RGS6: variants seen among roughly 807,000 people sequenced by gnomAD.
RGS6 encodes regulator of G protein signaling 6.
A neutral mutation model predicts 78.5 loss-of-function variants in RGS6; 30 were observed. The observed-to-expected ratio is 0.38, with a 90% CI of 0.29 to 0.52. The LOEUF (loss-of-function observed/expected upper bound fraction) is 0.52, where lower values mean the gene tolerates loss of function less well. Ranked by LOEUF, RGS6 falls within the 20% of genes least tolerant of loss-of-function variation. The probability of loss-of-function intolerance (pLI) is 0.85; values close to 1 mark genes in which losing one functional copy is unlikely to be tolerated. For missense variants in RGS6, 495 were observed against 609.7 expected, an observed-to-expected ratio of 0.81 and a Z score of 1.98; for synonymous variants, 206 against 206.0, an observed-to-expected ratio of 1.00 and a Z score of 0.00.
At chr14:71,942,616 A>G (rs754734443) in intron 1 of RGS6, among the ~76,000 whole-genome samples, 28 of 152,348 alleles carry the variant, frequency 1.8e-4, no homozygotes, top group Admixed American at 3.3e-4. Context: ...CTGATACCAA[A>G]GGGTGTTGTT....
intron 2 of RGS6, among the ~76,000 whole-genome samples, chr14:72,329,724 G>C (rs2074577754): frequency 6.6e-6 from 1 of 152,202 alleles, no homozygotes; most frequent in Non-Finnish European, 1.5e-5. Flanking sequence ...GGGTGAGCCA[G>C]GTGGAGCAGC....
intron 13 of RGS6, among the ~76,000 whole-genome samples, chr14:72,507,654 G>A (rs10130323): frequency 0.014 from 2,068 of 152,274 alleles, 42 homozygotes; most frequent in African/African-American, 0.047. Flanking sequence ...AAGGAATCTG[G>A]TGGAATGAAT....
At position 72,320,451 on chromosome 14, in the gene RGS6, A is replaced by C. The variant is rs111409105; in HGVS notation, c.85-31644A>C. Reference sequence around the variant, plus strand: ...AAATTAGCTGGGCGTGGTGGCGGGCACCTGTAGTCCCAGCTACTTGGGAGG... The same window carrying C: ...AAATTAGCTGGGCGTGGTGGCGGGCCCCTGTAGTCCCAGCTACTTGGGAGG... On this transcript the variant is annotated intron_variant, in intron 2 of 17. Coordinates refer to ENST00000553525, the MANE Select transcript of RGS6 (RefSeq NM_001204424.2). 9.2e-3 allele frequency among the ~76,000 whole-genome samples: 1,395 copies of C among 152,016 alleles called. 10 individuals carry two copies. The highest frequency in any genetic ancestry group is 0.023 in the South Asian group (110 of 4,802).
intron 2 of RGS6, among the ~76,000 whole-genome samples, chr14:72,127,271 A>T (rs1232321536): frequency 1.3e-5 from 2 of 152,210 alleles, no homozygotes; most frequent in Non-Finnish European, 2.9e-5. Flanking sequence ...AGGCAAAAGA[A>T]GTAGTATTAC....
chr14:71,946,098 G>T (rs566515096), intron 1 of RGS6, among the ~76,000 whole-genome samples: 142 of 152,240 alleles, frequency 9.3e-4, no homozygotes, highest in Non-Finnish European at 1.6e-3. Context: ...CATTCACAAA[G>T]AATAAATATA....
chr14:72,131,413 T>A (rs530324770), intron 2 of RGS6, among the ~76,000 whole-genome samples: 28 of 152,320 alleles, frequency 1.8e-4, no homozygotes, highest in African/African-American at 6.7e-4. Flanking sequence ...ATTGCAATGC[T>A]CCCTTATCTG....
At chr14:72,581,588 T>A in the RGS6 span, among the ~76,000 whole-genome samples, 1 of 152,202 alleles carries the variant, frequency 6.6e-6, no homozygotes, top group African/African-American at 2.4e-5. Flanking sequence ...GCCTCTCTGA[T>A]CCCTTGCACA....
At chr14:72,360,270 C>G (rs1258573884) in intron 3 of RGS6, among the ~76,000 whole-genome samples, 1 of 151,708 alleles carries the variant, frequency 6.6e-6, no homozygotes, top group African/African-American at 2.4e-5. Context: ...GCCTCTAATC[C>G]CAGCACTTTG....
At chr14:72,609,325 T>C in the RGS6 span, among the ~76,000 whole-genome samples, 2 of 152,098 alleles carry the variant, frequency 1.3e-5, no homozygotes, top group Admixed American at 6.5e-5. Flanking sequence ...GGTGGGGTGG[T>C]CCTGGCACGT....
At position 72,510,200 on chromosome 14, in the gene RGS6, G is replaced by T. The variant is rs943814526; in HGVS notation, c.1012G>T (p.Asp338Tyr). The T allele has an allele frequency of 1.2e-6, 2 of 1,613,458 alleles. No individual in the cohort carries two copies. The highest frequency in any genetic ancestry group is 1.7e-6 in the Non-Finnish European group (2 of 1,179,812). ...QRVKRWGFSF[D>Y]EILKDQVGRD... ...AGTAAAAAGATGGGGCTTCTCTTTC[G>T]ATGAGATATTGAAGGACCAGGTGGG... Residue 338 changes from aspartate to tyrosine, a missense_variant, in exon 14 of 18, where the codon GAT becomes TAT. Physicochemically the swap from Asp to Tyr is radical, Grantham distance 160. Transcript: ENST00000553525.
chr14:72,489,589 C>T (rs1598270877), intron 12 of RGS6, among the ~76,000 whole-genome samples: 1 of 152,042 alleles, frequency 6.6e-6, no homozygotes, highest in African/African-American at 2.4e-5. Flanking sequence ...CCTCATAAGA[C>T]AAAAAAGAGA....
chr14:72,267,725 A>G (rs2059295953), intron 2 of RGS6, among the ~76,000 whole-genome samples: 1 of 152,216 alleles, frequency 6.6e-6, no homozygotes, highest in Non-Finnish European at 1.5e-5. Context: ...AGAGAAACTA[A>G]TTACCTGAAC....
chr14:72,629,499 G>A, the RGS6 span: 3 of 790,368 alleles, frequency 3.8e-6, no homozygotes, highest in Non-Finnish European at 6.1e-6. Context: ...TGGCCAGGTT[G>A]CTCCCAAGTG....
chr14:72,131,893 C>T (rs1039563125), intron 2 of RGS6, among the ~76,000 whole-genome samples: 1 of 152,168 alleles, frequency 6.6e-6, no homozygotes, highest in Non-Finnish European at 1.5e-5. Context: ...CTAGGCTCCA[C>T]AAAGTTTGAA....
chr14:72,583,365 T>C, the RGS6 span, among the ~76,000 whole-genome samples: 1 of 152,362 alleles, frequency 6.6e-6, no homozygotes, highest in East Asian at 1.9e-4. Flanking sequence ...GCTAGCTAGA[T>C]AGCTGGATAG....
At chr14:72,344,820 C>T (rs1196987963) in intron 2 of RGS6, among the ~76,000 whole-genome samples, 1 of 152,120 alleles carries the variant, frequency 6.6e-6, no homozygotes, top group Non-Finnish European at 1.5e-5. Context: ...GTTAAATGGT[C>T]ATATTTTCCC....
chr14:72,066,366 T>A (rs933962537), intron 2 of RGS6, among the ~76,000 whole-genome samples: 1 of 152,286 alleles, frequency 6.6e-6, no homozygotes, highest in Non-Finnish European at 1.5e-5. Flanking sequence ...TGTATGTTAC[T>A]GCTTCAAGCC....
the RGS6 span, among the ~76,000 whole-genome samples, chr14:71,876,437 A>C: frequency 7.1e-6 from 1 of 140,318 alleles, no homozygotes. Context: ...GTTGGTTTAA[A>C]ATCTGTTTTA....
At chr14:72,000,110 G>A (rs547833963) in intron 2 of RGS6, among the ~76,000 whole-genome samples, 3 of 152,284 alleles carry the variant, frequency 2.0e-5, no homozygotes, top group East Asian at 1.9e-4. Flanking sequence ...GATAGTCTTC[G>A]AGCAGGGTTG....
Sources: allele counts gnomAD v4.1 joint callset (sites outside exome capture counted in the v4.1 genomes callset), GRCh38; gene constraint gnomAD v4.1.1; transcripts MANE v1.5; gene names NCBI Gene and HGNC (gene_info 2026-07-23, HGNC 2026-07-21).